The following EVC variants were observed in gnomAD, a reference collection of about 807,000 sequenced individuals.
The protein encoded by EVC is evC complex member EVC.
In EVC, 116 loss-of-function variants were observed where a neutral mutation model predicts 118.9. That is an observed-to-expected ratio of 0.98 (90% CI 0.84 to 1.14). The LOEUF (loss-of-function observed/expected upper bound fraction) is 1.14, where lower values mean the gene tolerates loss of function less well. Ranked by LOEUF, EVC falls within the 50% of genes most tolerant of loss-of-function variation. EVC has a pLI of 0.00. For synonymous variants in EVC, 619 were observed against 534.7 expected, an observed-to-expected ratio of 1.16 and a Z score of -2.18; for missense variants, 1,401 against 1,246.4, an observed-to-expected ratio of 1.12 and a Z score of -1.87.
chr4:5,808,158 C>A, intron 17 of EVC, 43 bp from the exon 18 acceptor site: 1 of 1,103,188 alleles, frequency 9.1e-7, no homozygotes, highest in South Asian at 1.3e-5. Context: ...TCCCTCCCTC[C>A]CTTCCTTCCT....
chr4:5,781,635 G>C (rs948774007), intron 11 of EVC, among the ~76,000 whole-genome samples: 1 of 152,120 alleles, frequency 6.6e-6, no homozygotes, highest in Admixed American at 6.5e-5. Context: ...TCAGGAGTTC[G>C]AGAGCAGCTT....
chr4:5,810,592 A>G (rs753679190), intron 20 of EVC, 142 bp downstream of exon 20: 1 of 735,192 alleles, frequency 1.4e-6, no homozygotes, highest in Non-Finnish European at 2.4e-6. Flanking sequence ...ACAGATATGA[A>G]CGTAATTTGT....
chr4:5,728,818 T>G (rs1242749596), intron 2 of EVC, among the ~76,000 whole-genome samples: 1 of 152,232 alleles, frequency 6.6e-6, no homozygotes, highest in African/African-American at 2.4e-5. Flanking sequence ...CTTAGGAGAC[T>G]CTCTTGTTAA....
downstream of EVC, among the ~76,000 whole-genome samples, chr4:5,814,944 T>C (rs1034636406): frequency 6.6e-6 from 1 of 151,938 alleles, no homozygotes; most frequent in African/African-American, 2.4e-5. Flanking sequence ...AGCATATAAA[T>C]AACCTTCCTT....
intron 11 of EVC, among the ~76,000 whole-genome samples, chr4:5,769,177 A>T (rs1396598031): frequency 1.3e-5 from 2 of 152,174 alleles, no homozygotes; most frequent in Non-Finnish European, 2.9e-5. Context: ...CCTCACAGTT[A>T]TGGCGGAAGG....
rs1443953524 is a variant in EVC, at chr4:5,726,785, T to C, written c.301-2522T>C. Among the ~76,000 whole-genome samples, 20 of 139,418 alleles carry C rather than the reference T, an allele frequency of 1.4e-4. No homozygotes were observed. In the Admixed American group the frequency reaches 1.6e-3, roughly 11 times the overall value. The allele number at this position is 139,418 out of a possible 152,430, so 91.5% of individuals were successfully genotyped here. A position where few individuals can be genotyped will look rare whatever the true frequency, so the allele number is the denominator to read the frequency against. ...CCTTTCCTGTGTCCATGTGATCTCA[T>C]TGTTCAATTCCCACCTATGAGTGAG... On this transcript the variant is annotated intron_variant, in intron 2 of 20. Transcript: ENST00000264956.
Position 5,754,038 on chromosome 4 carries a change from C to G in EVC, c.1464+105C>G. On this transcript the variant is annotated intron_variant, in intron 10 of 20. Coordinates refer to ENST00000264956, the MANE Select transcript of EVC (RefSeq NM_153717.3). The surrounding 1 kb of genome is among the most constrained non-coding windows in gnomAD (Gnocchi z 5.8). ...AGGTATTCATCAGGCATGAGGTTATCTGCCTACTTCCCATGTGTCAGCCGA... is the reference window on the plus strand; with the variant it reads ...AGGTATTCATCAGGCATGAGGTTATGTGCCTACTTCCCATGTGTCAGCCGA... 1 of 1,412,206 alleles carries G rather than the reference C, an allele frequency of 7.1e-7. No homozygotes were observed. Among genetic ancestry groups the G allele is most frequent in the Non-Finnish European group, 9.9e-7 (1 of 1,006,290 alleles). The allele number at this position is 1,412,206 out of a possible 1,614,324, so 87.5% of individuals were successfully genotyped here.
chr4:5,772,891 T>C (rs547111543), intron 11 of EVC, among the ~76,000 whole-genome samples: 2 of 152,264 alleles, frequency 1.3e-5, no homozygotes, highest in East Asian at 3.9e-4. Context: ...TTCTTGCTCT[T>C]TGAGTCTCAG....
chr4:5,827,385 A>G, the EVC span, among the ~76,000 whole-genome samples: 1 of 152,132 alleles, frequency 6.6e-6, no homozygotes, highest in Non-Finnish European at 1.5e-5. Context: ...CATCCAGTGC[A>G]AAGCATCTGT....
chr4:5,804,756 C>T lies in EVC; in HGVS notation c.2476C>T (p.Arg826Trp), dbSNP rs369800853. ...QGERMENYKL[R>W]KKQELSNPSS... ...TGAGAGGATGGAAAATTACAAACTG[C>T]GGAAAAAGCAAGAACTCAGCAACCC... Residue 826 changes from arginine to tryptophan, a missense_variant, in exon 17 of 21, where the codon CGG becomes TGG. Coordinates refer to ENST00000264956, the MANE Select transcript of EVC (RefSeq NM_153717.3). 15 of 1,614,114 alleles carry T rather than the reference C, an allele frequency of 9.3e-6. No individual in the cohort carries two copies. The highest frequency in any genetic ancestry group is 6.7e-5 in the East Asian group (3 of 44,868).
chr4:5,793,841 C>G, intron 13 of EVC, 124 bp downstream of exon 13: 1 of 744,244 alleles, frequency 1.3e-6, no homozygotes, highest in Non-Finnish European at 2.4e-6. Flanking sequence ...ATGTAAATGA[C>G]TTAACGTTTC....
At position 5,711,266 on chromosome 4, in the gene EVC, T is replaced by A; in HGVS notation, c.-115T>A. 1.5e-6 allele frequency: 1 copy of A among 674,680 alleles called. No homozygotes were observed. Among genetic ancestry groups the A allele is most frequent in the Non-Finnish European group, 1.8e-6 (1 of 545,388 alleles). The allele number at this position is 674,680 out of a possible 1,614,324, so 41.8% of individuals were successfully genotyped here. On this transcript the variant is annotated 5_prime_UTR_variant, in exon 1 of 21. Transcript: ENST00000264956. Reference sequence around the variant, plus strand: ...GGGAGACTGCACAGGCCAGAAAGTCTGCGGAGCGGGCCGCGCCCCTGGCCC... The same window carrying A: ...GGGAGACTGCACAGGCCAGAAAGTCAGCGGAGCGGGCCGCGCCCCTGGCCC...
chr4:5,797,272 G>T, intron 14 of EVC, 40 bp downstream of exon 14: 3 of 1,513,362 alleles, frequency 2.0e-6, no homozygotes, highest in South Asian at 1.2e-5. Context: ...CCAGACAGGC[G>T]GTGCCCCTGC....
chr4:5,816,208 T>A (rs992121409), downstream of EVC, among the ~76,000 whole-genome samples: 1 of 152,176 alleles, frequency 6.6e-6, no homozygotes. Context: ...CCCACCGACA[T>A]AGCCTGCAGT....
intron 12 of EVC, 49 bp downstream of exon 12, chr4:5,783,813 C>A: frequency 6.6e-7 from 1 of 1,515,796 alleles, no homozygotes; most frequent in Non-Finnish European, 9.0e-7. Flanking sequence ...TTTAGAAACA[C>A]ACGAAGAAGC....
At chr4:5,794,377 A>T (rs1189272408) in intron 13 of EVC, among the ~76,000 whole-genome samples, 3 of 137,772 alleles carry the variant, frequency 2.2e-5, no homozygotes, top group African/African-American at 2.6e-5. Context: ...ATTTATATAC[A>T]TATATATATA....
chr4:5,729,208 C>A, intron 2 of EVC, 99 bp from the exon 3 acceptor site: 1 of 1,050,788 alleles, frequency 9.5e-7, no homozygotes, highest in Non-Finnish European at 1.5e-6. Context: ...CTTTCTGAGG[C>A]TGCTATTACA....
chr4:5,742,573 C>T lies in EVC; in HGVS notation c.801+759C>T, dbSNP rs1383253477. On this transcript the variant is annotated intron_variant, in intron 6 of 20. Coordinates refer to ENST00000264956, the MANE Select transcript of EVC (RefSeq NM_153717.3). This position sits in a 1 kb window ranked among gnomAD's most constrained non-coding sequence, Gnocchi z 5.2. ...CACCACTGACATCATCATTCTTTGT[C>T]TTTACCACCATCATCATCATCCTCA... Among the ~76,000 whole-genome samples, 2 of 152,158 alleles carry T rather than the reference C, an allele frequency of 1.3e-5. No homozygotes were observed. The highest frequency in any genetic ancestry group is 2.9e-5 in the Non-Finnish European group (2 of 68,046).
intron 3 of EVC, 101 bp downstream of exon 3, chr4:5,729,491 T>C: frequency 8.4e-7 from 1 of 1,185,996 alleles, no homozygotes; most frequent in Non-Finnish European, 1.3e-6. Context: ...TTTGGTCCTG[T>C]TTGAGGGTTT....
Sources: allele counts gnomAD v4.1 joint callset (sites outside exome capture counted in the v4.1 genomes callset), GRCh38; gene constraint gnomAD v4.1.1; non-coding constraint Gnocchi (gnomAD v3.1); transcripts MANE v1.5; gene names NCBI Gene and HGNC (gene_info 2026-07-23, HGNC 2026-07-21).